Variants in TSC22D3 observed in about 807,000 individuals in gnomAD.
The protein encoded by TSC22D3 is TSC22 domain family member 3.
Under a neutral mutation model 11.1 loss-of-function variants are expected in TSC22D3, and 4 were observed. The ratio of observed to expected loss-of-function variants is 0.36; its 90% CI spans 0.18 to 0.83. TSC22D3 has a LOEUF of 0.83. Among genes scored for constraint, TSC22D3 ranks in the 40% least tolerant of loss-of-function variants. The probability of loss-of-function intolerance (pLI) is 0.48; values close to 1 mark genes in which losing one functional copy is unlikely to be tolerated. For missense variants in TSC22D3, 118 were observed against 159.4 expected (o/e 0.74, Z 1.40); for synonymous variants, 77 against 70.3 (o/e 1.10, Z -0.48).
At chrX:107,735,468 G>T (rs1928091091) in intron 1 of TSC22D3, among the ~76,000 whole-genome samples, 1 of 111,317 alleles carries the variant, frequency 9.0e-6, no homozygotes, top group African/African-American at 3.3e-5. Context: ...GTGGAAGAAG[G>T]CCTGGCAATT....
intron 1 of TSC22D3, among the ~76,000 whole-genome samples, chrX:107,739,936 A>G (rs1928317681): frequency 8.9e-6 from 1 of 112,710 alleles, no homozygotes; most frequent in Non-Finnish European, 1.9e-5. Flanking sequence ...TCACACATAC[A>G]CTGGGCAATG....
chrX:107,721,779 G>C, intron 1 of TSC22D3: 2 of 428,749 alleles, frequency 4.7e-6, no homozygotes, highest in Non-Finnish European at 4.2e-6. Flanking sequence ...TAATGGGATG[G>C]TTGAAAAACA....
intron 1 of TSC22D3, among the ~76,000 whole-genome samples, chrX:107,743,757 C>A (rs1169130104): frequency 8.9e-6 from 1 of 112,288 alleles, no homozygotes; most frequent in Non-Finnish European, 1.9e-5. Flanking sequence ...GAGTGCTCTT[C>A]CTACCCAGGG....
intron 1 of TSC22D3, among the ~76,000 whole-genome samples, chrX:107,724,527 C>CCCTTCCCCTATGTTGTCA (rs1305041816): frequency 4.4e-5 from 5 of 113,453 alleles, no homozygotes; most frequent in African/African-American, 1.6e-4. Context: ...GCATCCGCCC[C>CCCTTCCCCTATGTTGTCA]CCTTCCCCTA....
intron 2 of TSC22D3, 63 bp downstream of exon 2, chrX:107,715,836 G>T: frequency 8.5e-7 from 1 of 1,177,631 alleles, no homozygotes; most frequent in Non-Finnish European, 1.2e-6. Context: ...CCTCAATCCT[G>T]CCCAGAGTTA....
At chrX:107,763,292 CTCCTGTTGGCTAAACAAG>C (rs1224368419) in intron 1 of TSC22D3, among the ~76,000 whole-genome samples, 1 of 111,554 alleles carries the variant, frequency 9.0e-6, no homozygotes, top group Non-Finnish European at 1.9e-5. Context: ...TCATGTTTGC[CTCCTGTTGGCTAAACAAG>C]TCCTGTTGGC....
intron 1 of TSC22D3, among the ~76,000 whole-genome samples, chrX:107,765,177 C>T (rs1040999186): frequency 1.8e-5 from 2 of 112,149 alleles, no homozygotes; most frequent in African/African-American, 6.5e-5. Flanking sequence ...TCCATCGTGC[C>T]AAAGCCAACC....
chrX:107,769,406 A>G (rs1306819282), intron 1 of TSC22D3, among the ~76,000 whole-genome samples: 1 of 112,418 alleles, frequency 8.9e-6, no homozygotes, highest in Admixed American at 9.4e-5. Context: ...TGTATGATTC[A>G]ATTTATATGA....
chrX:107,745,190 G>A (rs1228769465), intron 1 of TSC22D3, among the ~76,000 whole-genome samples: 1 of 111,618 alleles, frequency 9.0e-6, no homozygotes, highest in East Asian at 2.8e-4. Flanking sequence ...AGGGTGGGGT[G>A]CCTCACATCA....
At chrX:107,733,181 T>C (rs1927967810) in intron 1 of TSC22D3, among the ~76,000 whole-genome samples, 1 of 111,421 alleles carries the variant, frequency 9.0e-6, no homozygotes, top group African/African-American at 3.3e-5. Flanking sequence ...ATCTGTCAAG[T>C]GGGGGTAATC....
intron 1 of TSC22D3, among the ~76,000 whole-genome samples, chrX:107,735,590 G>A (rs1013969177): frequency 5.4e-5 from 6 of 110,615 alleles, no homozygotes; most frequent in African/African-American, 9.9e-5. Context: ...CATGCCAGGC[G>A]ACGGCTCCTC....
chrX:107,767,945 G>A (rs929095473), intron 1 of TSC22D3, among the ~76,000 whole-genome samples: 1 of 112,119 alleles, frequency 8.9e-6, no homozygotes, highest in Non-Finnish European at 1.9e-5. Flanking sequence ...AGTTCACTGA[G>A]CACACAAAAT....
At chrX:107,718,921 C>G (rs1027887694) in intron 1 of TSC22D3, among the ~76,000 whole-genome samples, 2 of 109,853 alleles carry the variant, frequency 1.8e-5, no homozygotes, top group African/African-American at 6.6e-5. Context: ...AGAACATTCA[C>G]TAAAAAAAAA....
intron 1 of TSC22D3, among the ~76,000 whole-genome samples, chrX:107,752,137 G>A (rs1928962489): frequency 8.9e-6 from 1 of 112,031 alleles, no homozygotes; most frequent in African/African-American, 3.2e-5. Flanking sequence ...AGCATGAAGA[G>A]CTTGTGCTAG....
chrX:107,717,540 GC>G (rs976860920), intron 1 of TSC22D3, among the ~76,000 whole-genome samples: 1 of 112,061 alleles, frequency 8.9e-6, no homozygotes. Context: ...AATCAACTCA[GC>G]TTTCCCCTCA....
chrX:107,741,185 C>G (rs766343869), intron 1 of TSC22D3, among the ~76,000 whole-genome samples: 156 of 112,737 alleles, frequency 1.4e-3, no homozygotes, highest in African/African-American at 4.7e-3. Context: ...TGGCATCTTT[C>G]TCCCTGGGGT....
At chrX:107,770,143 T>G (rs916597164) in intron 1 of TSC22D3, among the ~76,000 whole-genome samples, 1 of 112,375 alleles carries the variant, frequency 8.9e-6, no homozygotes, top group Admixed American at 9.4e-5. Context: ...AATCAAATGG[T>G]AAATTAGTTG....
intron 1 of TSC22D3, among the ~76,000 whole-genome samples, chrX:107,731,651 C>T (rs1463083353): frequency 1.8e-5 from 2 of 111,541 alleles, no homozygotes; most frequent in African/African-American, 3.3e-5. Flanking sequence ...GTCTCAGTCT[C>T]GATCTCCTCA....
chrX:107,756,765 G>A (rs981323860), intron 1 of TSC22D3, among the ~76,000 whole-genome samples: 9 of 112,724 alleles, frequency 8.0e-5, no homozygotes, highest in Non-Finnish European at 1.1e-4. Flanking sequence ...TTCCCTTGCC[G>A]AGAATTCCAC....
Sources: allele counts gnomAD v4.1 joint callset (sites outside exome capture counted in the v4.1 genomes callset), GRCh38; gene constraint gnomAD v4.1.1; transcripts MANE v1.5; gene names NCBI Gene and HGNC (gene_info 2026-07-23, HGNC 2026-07-21).